The following SMCHD1 variants were observed in gnomAD, a reference collection of about 807,000 sequenced individuals.
SMCHD1 encodes the protein structural maintenance of chromosomes flexible hinge domain containing 1.
A neutral mutation model predicts 254.7 loss-of-function variants in SMCHD1; 78 were observed. The ratio of observed to expected loss-of-function variants is 0.31; its 90% CI spans 0.26 to 0.37. SMCHD1 has a LOEUF of 0.37. Ranked by LOEUF, SMCHD1 falls within the 10% of genes least tolerant of loss-of-function variation. The pLI, the probability that SMCHD1 is intolerant of heterozygous loss-of-function variation, is 1.00. For synonymous variants in SMCHD1, 766 were observed against 794.9 expected (o/e 0.96, Z 0.61); for missense variants, 1,840 against 2,408.1 (o/e 0.76, Z 4.94).
chr18:2,795,410 TTC>T (rs1182545044), intron 45 of SMCHD1, among the ~76,000 whole-genome samples: 39 of 152,366 alleles, frequency 2.6e-4, no homozygotes, highest in African/African-American at 8.7e-4. Context: ...AGCGATGATT[TTC>T]TTTTTTTACA....
rs1568300750 is a variant in SMCHD1, at chr18:2,748,374, G to GTGTGTATA, written c.3927+732_3927+733insATATGTGT. Among the ~76,000 whole-genome samples, 8 of 52,068 alleles carry GTGTGTATA rather than the reference G, an allele frequency of 1.5e-4. 1 individual carries two copies. Among genetic ancestry groups the GTGTGTATA allele is most frequent in the Non-Finnish European group, 7.7e-5 (2 of 26,140 alleles). The allele number at this position is 52,068 out of a possible 152,430, so 34.2% of individuals were successfully genotyped here. A position where few individuals can be genotyped will look rare whatever the true frequency, so the allele number is the denominator to read the frequency against. ...TGTGTGTGTGTGTGTGTGTGTGTGT[G>GTGTGTATA]TGTGTGTGTATATAAATTTTTTTTT... On this transcript the variant is annotated intron_variant, in intron 30 of 47. Transcript: ENST00000320876.
intron 12 of SMCHD1, among the ~76,000 whole-genome samples, chr18:2,701,882 G>A (rs1336319049): frequency 6.6e-6 from 1 of 151,858 alleles, no homozygotes; most frequent in Non-Finnish European, 1.5e-5. Flanking sequence ...ATAGTACATA[G>A]TATTTGTAGT....
At position 2,718,403 on chromosome 18, in the gene SMCHD1, A is replaced by G; in HGVS notation, c.2427A>G (p.Leu809=). 6.2e-7 allele frequency: 1 copy of G among 1,611,986 alleles called. No individual in the cohort carries two copies. Among genetic ancestry groups the G allele is most frequent in the Admixed American group, 1.7e-5 (1 of 59,898 alleles). ...CAGACACTTATGCAGGAAGACCACTACCATCTAAAGCAATTAAGTTTTCTG... is the reference window on the plus strand; with the variant it reads ...CAGACACTTATGCAGGAAGACCACTGCCATCTAAAGCAATTAAGTTTTCTG... ...SNADTYAGRP[L]PSKAIKFSVK... is the part of the protein sequence containing the mutation. Residue 809 remains leucine, a synonymous_variant, in exon 19 of 48, where the codon CTA becomes CTG. Transcript: ENST00000320876. This position sits in a 1 kb window ranked among gnomAD's most constrained non-coding sequence, Gnocchi z 4.6.
At chr18:2,780,968 T>C (rs2076148328) in intron 44 of SMCHD1, among the ~76,000 whole-genome samples, 1 of 152,222 alleles carries the variant, frequency 6.6e-6, no homozygotes, top group African/African-American at 2.4e-5. Context: ...AGAGTCAGGA[T>C]TCTAAGTGGA....
intron 37 of SMCHD1, among the ~76,000 whole-genome samples, chr18:2,765,907 G>C: frequency 6.6e-6 from 1 of 152,104 alleles, no homozygotes; most frequent in Middle Eastern, 3.2e-3. Context: ...ATGCAGAGTG[G>C]ATTTGTGTTG....
chr18:2,748,832 T>G (rs1313323173), intron 30 of SMCHD1, among the ~76,000 whole-genome samples: 1 of 152,130 alleles, frequency 6.6e-6, no homozygotes, highest in African/African-American at 2.4e-5. Flanking sequence ...ATATAAAAAA[T>G]AAATATAAAT....
Position 2,769,765 on chromosome 18 carries a change from AC to A in SMCHD1, c.4793del (p.Pro1598HisfsTer7). ...EYFIVFEPRL[P>X]LLSRTLEPYI... ...ATTTTATTGTATTTGAGCCCCGGCT[AC>A]CACTTTTATCAAGAACCTTAGAACC... On this transcript the variant is annotated frameshift_variant, in exon 38 of 48. Transcript: ENST00000320876. LOFTEE classifies it high-confidence loss of function. 6.2e-7 allele frequency: 1 copy of A among 1,604,416 alleles called. No individual in the cohort carries two copies. Among genetic ancestry groups the A allele is most frequent in the Non-Finnish European group, 8.5e-7 (1 of 1,174,434 alleles).
At chr18:2,737,283 A>T (rs945909124) in intron 25 of SMCHD1, among the ~76,000 whole-genome samples, 1 of 152,236 alleles carries the variant, frequency 6.6e-6, no homozygotes, top group Non-Finnish European at 1.5e-5. Context: ...TACTATGCTC[A>T]TTACCTGGGT....
chr18:2,765,277 T>C (rs2075847370), intron 37 of SMCHD1, among the ~76,000 whole-genome samples: 1 of 152,194 alleles, frequency 6.6e-6, no homozygotes, highest in Non-Finnish European at 1.5e-5. Context: ...TTCTTTAATT[T>C]TTGATATATC....
At position 2,722,642 on chromosome 18, in the gene SMCHD1, T is replaced by C. The variant is rs765399153; in HGVS notation, c.2582T>C (p.Ile861Thr). 1 of 1,611,194 alleles carries C rather than the reference T, an allele frequency of 6.2e-7. No homozygotes were observed. Among genetic ancestry groups the C allele is most frequent in the Non-Finnish European group, 8.5e-7 (1 of 1,179,016 alleles). ...CATACCAGTCAACTAGTAACTGATA[T>C]TCAGCCAGTTCTTGAAGCAAGGTAA... Reference protein sequence around the residue: ...FGHTSQLVTDIQPVLEASGLS... With the variant: ...FGHTSQLVTDTQPVLEASGLS... Residue 861 changes from isoleucine (I) to threonine (T), a missense_variant, in exon 20 of 48, where the codon ATT becomes ACT. By Grantham distance (89) the Ile-to-Thr change is moderately conservative. Transcript: ENST00000320876.
intron 1 of SMCHD1, among the ~76,000 whole-genome samples, chr18:2,660,497 G>A (rs2073218147): frequency 1.5e-5 from 2 of 137,246 alleles, no homozygotes; most frequent in Non-Finnish European, 3.1e-5. Flanking sequence ...TTTTTGATGG[G>A]AGTTTCACTC....
chr18:2,748,389 AATTTT>A (rs2075506990), intron 30 of SMCHD1, among the ~76,000 whole-genome samples: 1 of 22,654 alleles, frequency 4.4e-5, no homozygotes, highest in African/African-American at 3.1e-4. Context: ...TGTGTATATA[AATTTT>A]TTTTTTTTTT....
intron 34 of SMCHD1, among the ~76,000 whole-genome samples, chr18:2,757,507 C>G (rs2075704437): frequency 6.6e-6 from 1 of 152,106 alleles, no homozygotes; most frequent in Non-Finnish European, 1.5e-5. Flanking sequence ...GCCACTGAGC[C>G]CACCCTTGGA....
chr18:2,759,494 T>TTTG (rs1261986907), intron 34 of SMCHD1, among the ~76,000 whole-genome samples: 1 of 147,950 alleles, frequency 6.8e-6, no homozygotes, highest in Non-Finnish European at 1.5e-5. Flanking sequence ...AAGCAATTTT[T>TTTG]TTTTTTTTTT....
intron 47 of SMCHD1, among the ~76,000 whole-genome samples, chr18:2,801,688 A>G (rs1288022775): frequency 2.6e-5 from 4 of 152,174 alleles, no homozygotes; most frequent in Non-Finnish European, 4.4e-5. Flanking sequence ...TTACATATGT[A>G]TACTGAATAT....
At chr18:2,732,531 T>C (rs982856049) in intron 25 of SMCHD1, 39 bp downstream of exon 25, 11 of 1,346,658 alleles carry the variant, frequency 8.2e-6, no homozygotes, top group Non-Finnish European at 7.2e-6. Flanking sequence ...GTAAGAACTT[T>C]TTAAATTTTA....
intron 28 of SMCHD1, among the ~76,000 whole-genome samples, chr18:2,741,626 G>A (rs1261305717): frequency 6.6e-6 from 1 of 152,002 alleles, no homozygotes; most frequent in African/African-American, 2.4e-5. Flanking sequence ...ATGATATTTT[G>A]TTCCCTCCAC....
Position 2,745,017 on chromosome 18 carries a change from A to G in SMCHD1, c.3801+1089A>G, listed in dbSNP as rs371874825. On this transcript the variant is annotated intron_variant, in intron 29 of 47. Coordinates refer to ENST00000320876, the MANE Select transcript of SMCHD1 (RefSeq NM_015295.3). ...TGCCACCATTCCTGGCTAATTTTGT[A>G]TTTTAAATAAAGATAGGGTTTCACC... Among the ~76,000 whole-genome samples the G allele has an allele frequency of 7.9e-5, 12 of 151,972 alleles. No homozygotes were observed. The South Asian group carries it at 8.3e-4, about 11-fold the overall frequency.
At chr18:2,791,743 C>A (rs1438551446) in intron 45 of SMCHD1, among the ~76,000 whole-genome samples, 4 of 152,158 alleles carry the variant, frequency 2.6e-5, no homozygotes, top group African/African-American at 7.2e-5. Context: ...TCAGTAGTCT[C>A]AAAGTTGAGA....
Sources: allele counts gnomAD v4.1 joint callset (sites outside exome capture counted in the v4.1 genomes callset), GRCh38; gene constraint gnomAD v4.1.1; non-coding constraint Gnocchi (gnomAD v3.1); transcripts MANE v1.5; gene names NCBI Gene and HGNC (gene_info 2026-07-23, HGNC 2026-07-21).